UBAP2: variants seen among roughly 807,000 people sequenced by gnomAD.
The protein encoded by UBAP2 is ubiquitin associated protein 2.
A neutral mutation model predicts 139.6 loss-of-function variants in UBAP2; 75 were observed. The observed-to-expected ratio is 0.54, with a 90% CI of 0.45 to 0.65. UBAP2 has a LOEUF of 0.65. Among genes scored for constraint, UBAP2 ranks in the 30% least tolerant of loss-of-function variants. UBAP2 has a pLI of 0.00. For synonymous variants in UBAP2, 526 were observed against 526.2 expected (o/e 1.00, Z 0.01); for missense variants, 1,368 against 1,369.6 (o/e 1.00, Z 0.02).
At chr9:34,022,054 G>A (rs2131298849) in intron 1 of UBAP2, among the ~76,000 whole-genome samples, 1 of 152,220 alleles carries the variant, frequency 6.6e-6, no homozygotes, top group East Asian at 1.9e-4. Context: ...AGACCAGCCT[G>A]GCCAACGTGG....
intron 16 of UBAP2, among the ~76,000 whole-genome samples, chr9:33,940,412 T>C (rs900980098): frequency 1.3e-5 from 2 of 152,178 alleles, no homozygotes; most frequent in Non-Finnish European, 2.9e-5. Flanking sequence ...TCAGAAACCT[T>C]GGACATACAG....
intron 4 of UBAP2, among the ~76,000 whole-genome samples, chr9:33,994,172 G>A (rs1587628191): frequency 6.6e-6 from 1 of 152,226 alleles, no homozygotes; most frequent in East Asian, 1.9e-4. Context: ...GGGATTACAG[G>A]CATGAGCCGC....
In UBAP2 at chr9:33,923,792, C is replaced by G. The variant is rs772509882; in HGVS notation, c.2796+3G>C. 4 of 1,614,038 alleles carry G rather than the reference C, an allele frequency of 2.5e-6. No homozygotes were observed. The highest frequency in any genetic ancestry group is 3.4e-6 in the Non-Finnish European group (4 of 1,179,918). ...ACACAGTCACACCCTCTGAAATACT[C>G]ACAAACATGGTGGGGCCATACTGGA... On this transcript the variant is annotated splice_donor_region_variant and intron_variant, in intron 24 of 28. Transcript: ENST00000379238.
At chr9:33,971,835 C>A in intron 7 of UBAP2, 81 bp from the exon 8 acceptor site, 3 of 804,408 alleles carry the variant, frequency 3.7e-6, no homozygotes, top group Non-Finnish European at 6.5e-6. Flanking sequence ...TGATCTTCCA[C>A]CAAACAAGCC....
chr9:33,956,231 G>A (rs1826552094), intron 10 of UBAP2, 85 bp from the exon 11 acceptor site: 6 of 931,516 alleles, frequency 6.4e-6, no homozygotes, highest in Non-Finnish European at 8.6e-6. Flanking sequence ...GTAGTCATCA[G>A]TAGTCTCTTA....
At chr9:33,994,611 C>T (rs181951358) in intron 4 of UBAP2, 1 of 151,426 alleles carries the variant, frequency 6.6e-6, no homozygotes, top group East Asian at 1.9e-4. Flanking sequence ...TACTTAGTCC[C>T]AGGTCAGTAA....
intron 1 of UBAP2, among the ~76,000 whole-genome samples, chr9:34,042,925 G>C (rs1042694071): frequency 1.3e-5 from 2 of 151,974 alleles, no homozygotes; most frequent in African/African-American, 4.8e-5. Flanking sequence ...AAAATTAGCT[G>C]AGCATGGTGA....
rs1202143092 is a variant in UBAP2 at position 34,035,500 on chromosome 9, T to TAAAAAAA, written c.-42+13318_-42+13324dup. ...CTGGGTGACAGAGCGAGACTCCATC[T>TAAAAAAA]AAAAAAAAAAAAAAATATATATATA... On this transcript the variant is annotated intron_variant, in intron 1 of 28. Coordinates refer to ENST00000379238, the MANE Select transcript of UBAP2 (RefSeq NM_001370062.2). 3.5e-4 allele frequency among the ~76,000 whole-genome samples: 13 copies of TAAAAAAA among 36,664 alleles called. 4 individuals carry two copies. The East Asian group carries it at 6.4e-3, about 18-fold the overall frequency. 24.1% of individuals were successfully genotyped at this position (36,664 alleles called of 152,430 possible). A position where few individuals can be genotyped will look rare whatever the true frequency, so the allele number is the denominator to read the frequency against.
intron 6 of UBAP2, among the ~76,000 whole-genome samples, chr9:33,977,182 G>A (rs944375347): frequency 1.3e-5 from 2 of 151,222 alleles, no homozygotes; most frequent in African/African-American, 4.9e-5. Context: ...GGGATTACAG[G>A]TGCCTGCCAC....
rs60699486 is a variant in UBAP2 at position 34,047,869 on chromosome 9, T to C, written c.-42+956A>G. Among the ~76,000 whole-genome samples, 732 of 152,312 alleles carry C rather than the reference T, an allele frequency of 4.8e-3. 9 individuals are homozygous for C. Among genetic ancestry groups the C allele is most frequent in the African/African-American group, 0.017 (691 of 41,568 alleles). On this transcript the variant is annotated intron_variant, in intron 1 of 28. Coordinates refer to ENST00000379238, the MANE Select transcript of UBAP2 (RefSeq NM_001370062.2). ...CAACTGTTAGGATACACTGGTGCTG[T>C]AGAAAGACAATAAGCCTAAATACTG...
chr9:33,926,646 G>A lies in UBAP2; in HGVS notation c.2482C>T (p.Leu828Phe). 2 of 1,614,184 alleles carry A rather than the reference G, an allele frequency of 1.2e-6. No individual in the cohort carries two copies. The highest frequency in any genetic ancestry group is 2.2e-5 in the East Asian group (1 of 44,892). ...PAYPIYGYDE[L>F]QMLQSRLPVD... is the part of the protein sequence containing the mutation. ...GGCAGCCGTGACTGCAGCATCTGGAGCTCGTCATAGCCATAGATCTGTGTG... is the reference window on the plus strand; with the variant it reads ...GGCAGCCGTGACTGCAGCATCTGGAACTCGTCATAGCCATAGATCTGTGTG... The change falls in exon 22 of 29, where the codon CTC (leucine) becomes TTC (phenylalanine). Residue 828 changes from leucine (L) to phenylalanine (F), a missense_variant. Physicochemically the swap from Leu to Phe is conservative, Grantham distance 22 (BLOSUM62 0). Transcript: ENST00000379238.
At chr9:33,931,670 G>A (rs1461515953) in intron 19 of UBAP2, among the ~76,000 whole-genome samples, 7 of 152,152 alleles carry the variant, frequency 4.6e-5, no homozygotes, top group Non-Finnish European at 1.0e-4. Context: ...GAGTATGAAA[G>A]CCACAGCATT....
intron 2 of UBAP2, among the ~76,000 whole-genome samples, chr9:34,012,528 C>CAA (rs11399740): frequency 0.079 from 11,442 of 144,060 alleles, 620 homozygotes; most frequent in Non-Finnish European, 0.12. Context: ...AAAACTGTCT[C>CAA]AAAAAAAAAA....
Position 34,044,028 on chromosome 9 carries a change from T to C in UBAP2, c.-42+4797A>G, listed in dbSNP as rs369455022. The stretch of plus-strand genomic sequence containing the variant: ...ATCGCTTGAACCCAGTAGGCGGAGA[T>C]TGCAGTGAACAGAGATCACACCACT... On this transcript the variant is annotated intron_variant, in intron 1 of 28. Transcript: ENST00000379238. 2.6e-3 allele frequency among the ~76,000 whole-genome samples: 379 copies of C among 145,434 alleles called. 3 individuals are homozygous for C. In the Middle Eastern group the frequency reaches 0.035, roughly 13 times the overall value.
intron 6 of UBAP2, among the ~76,000 whole-genome samples, chr9:33,979,103 T>C (rs1385112325): frequency 6.6e-6 from 1 of 152,044 alleles, no homozygotes; most frequent in Non-Finnish European, 1.5e-5. Context: ...GGCATTGTGA[T>C]GTGCACCTGC....
chr9:34,006,716 C>G (rs1823254637), intron 2 of UBAP2, among the ~76,000 whole-genome samples: 1 of 151,974 alleles, frequency 6.6e-6, no homozygotes, highest in South Asian at 2.1e-4. Context: ...AAATGTGGGC[C>G]TAGCACTTAG....
intron 6 of UBAP2, among the ~76,000 whole-genome samples, chr9:33,976,290 CATTAT>C (rs1343769857): frequency 3.9e-5 from 6 of 152,136 alleles, no homozygotes; most frequent in African/African-American, 1.2e-4. Flanking sequence ...ATTCATACAA[CATTAT>C]ATTATATTGC....
intron 7 of UBAP2, among the ~76,000 whole-genome samples, chr9:33,972,429 T>C (rs1827983537): frequency 6.6e-6 from 1 of 152,210 alleles, no homozygotes; most frequent in Non-Finnish European, 1.5e-5. Flanking sequence ...CATCCCTCCT[T>C]TTCCTCAAAG....
intron 2 of UBAP2, chr9:34,011,640 AG>A (rs1208510910): frequency 3.0e-6 from 3 of 987,430 alleles, no homozygotes; most frequent in African/African-American, 3.5e-5. Flanking sequence ...GCTGAGCTCT[AG>A]GAAGTGTCAA....
Sources: allele counts gnomAD v4.1 joint callset (sites outside exome capture counted in the v4.1 genomes callset), GRCh38; gene constraint gnomAD v4.1.1; transcripts MANE v1.5; gene names NCBI Gene and HGNC (gene_info 2026-07-23, HGNC 2026-07-21).